C8orf89: variants seen among roughly 807,000 people sequenced by gnomAD.
C8orf89 encodes putative uncharacterized protein C8orf89.
In C8orf89, 14 loss-of-function variants were observed where a neutral mutation model predicts 15.8. That is an observed-to-expected ratio of 0.89 (90% CI 0.59 to 1.39). The LOEUF is 1.39. C8orf89 is among the 40% of genes most tolerant of loss of function. The probability of loss-of-function intolerance (pLI) is 0.00; values close to 1 mark genes in which losing one functional copy is unlikely to be tolerated. For missense variants in C8orf89, 181 were observed against 184.5 expected (o/e 0.98, Z 0.11); for synonymous variants, 55 against 62.2 (o/e 0.88, Z 0.54).
At chr8:73,254,090 A>G (rs1469215252) in intron 2 of C8orf89, among the ~76,000 whole-genome samples, 1 of 152,122 alleles carries the variant, frequency 6.6e-6, no homozygotes, top group Non-Finnish European at 1.5e-5. Flanking sequence ...AGCTCTTACT[A>G]TTTTGAGATA....
intron 3 of C8orf89, 60 bp from the exon 4 acceptor site, chr8:73,241,665 C>T: frequency 7.9e-7 from 1 of 1,263,296 alleles, no homozygotes; most frequent in Non-Finnish European, 1.1e-6. Flanking sequence ...GAATAATATT[C>T]TATTAAATAT....
chr8:73,258,628 ATTTT>A (rs10691611), intron 1 of C8orf89, among the ~76,000 whole-genome samples: 1 of 137,302 alleles, frequency 7.3e-6, no homozygotes. Flanking sequence ...TTTGGTTAGA[ATTTT>A]TTTTTTTTTT....
rs1385597772 is a variant in C8orf89, at chr8:73,249,721, G to A, written c.337+547C>T. 3.9e-5 allele frequency among the ~76,000 whole-genome samples: 6 copies of A among 152,286 alleles called. No individual in the cohort carries two copies. The East Asian group carries it at 9.6e-4, about 24-fold the overall frequency. On this transcript the variant is annotated intron_variant, in intron 3 of 3. Coordinates refer to ENST00000624510, the MANE Select transcript of C8orf89 (RefSeq NM_001243237.3). ...CCTTTTAGTCACCATGAACTTAGGA[G>A]TAACTTGACTTAAAAGTAGTTTTTT... is the stretch of plus-strand genomic sequence containing the variant.
chr8:73,284,018 G>A, the C8orf89 span, among the ~76,000 whole-genome samples: 2 of 150,984 alleles, frequency 1.3e-5, no homozygotes, highest in Admixed American at 6.6e-5. Context: ...CTCCAGCCTG[G>A]GCAACAAGAA....
At chr8:73,269,463 A>G in the C8orf89 span, among the ~76,000 whole-genome samples, 1 of 152,340 alleles carries the variant, frequency 6.6e-6, no homozygotes, top group African/African-American at 2.4e-5. Flanking sequence ...CAAACCTAAT[A>G]CAATAGAAAA....
At chr8:73,285,342 C>T in the C8orf89 span, among the ~76,000 whole-genome samples, 1 of 152,298 alleles carries the variant, frequency 6.6e-6, no homozygotes, top group East Asian at 1.9e-4. Context: ...GGACCCGCTT[C>T]CCTCAATCTC....
rs1563533039 is a variant in C8orf89, at chr8:73,256,959, T to C, written c.281+14A>G. 4 of 1,523,632 alleles carry C rather than the reference T, an allele frequency of 2.6e-6. No individual in the cohort carries two copies. The highest frequency in any genetic ancestry group is 4.1e-5 in the Admixed American group (2 of 49,184). The allele number at this position is 1,523,632 out of a possible 1,614,324, so 94.4% of individuals were successfully genotyped here. A position where few individuals can be genotyped will look rare whatever the true frequency, so the allele number is the denominator to read the frequency against. On this transcript the variant is annotated intron_variant, in intron 2 of 3. Coordinates refer to ENST00000624510, the MANE Select transcript of C8orf89 (RefSeq NM_001243237.3). The stretch of plus-strand genomic sequence containing the variant: ...ACACATTCAACAAATGAGAATTAAA[T>C]AGCAATGATCTACCTGACTGCAGAC...
chr8:73,274,857 C>A, the C8orf89 span, among the ~76,000 whole-genome samples: 1 of 152,118 alleles, frequency 6.6e-6, no homozygotes, highest in Non-Finnish European at 1.5e-5. Flanking sequence ...TCACATGAGA[C>A]TGAGATTGAG....
intron 2 of C8orf89, among the ~76,000 whole-genome samples, chr8:73,253,025 C>T (rs1813282465): frequency 6.6e-6 from 1 of 152,194 alleles, no homozygotes; most frequent in Non-Finnish European, 1.5e-5. Context: ...CGCCTGTAGT[C>T]CCAGCTACTC....
chr8:73,258,694 T>A (rs1174945666), intron 1 of C8orf89, among the ~76,000 whole-genome samples: 1 of 150,676 alleles, frequency 6.6e-6, no homozygotes. Context: ...AGTGGCATGG[T>A]CATGGCTCAC....
At chr8:73,274,863 T>C in the C8orf89 span, among the ~76,000 whole-genome samples, 2 of 152,236 alleles carry the variant, frequency 1.3e-5, no homozygotes, top group African/African-American at 2.4e-5. Context: ...GAGACTGAGA[T>C]TGAGTGTACA....
At chr8:73,285,539 A>C in the C8orf89 span, among the ~76,000 whole-genome samples, 1 of 152,166 alleles carries the variant, frequency 6.6e-6, no homozygotes, top group South Asian at 2.1e-4. Flanking sequence ...TCCAGCCCTG[A>C]CCTGGCAAGT....
chr8:73,279,667 G>A, the C8orf89 span, among the ~76,000 whole-genome samples: 4 of 152,128 alleles, frequency 2.6e-5, no homozygotes, highest in Non-Finnish European at 5.9e-5. Flanking sequence ...CAAGAGGTGA[G>A]ATGTTTCTTT....
intron 3 of C8orf89, among the ~76,000 whole-genome samples, chr8:73,242,507 T>C (rs373803737): frequency 1.3e-5 from 2 of 152,134 alleles, no homozygotes; most frequent in South Asian, 2.1e-4. Context: ...AAGACCTGAA[T>C]AGACATTTCT....
intron 3 of C8orf89, among the ~76,000 whole-genome samples, chr8:73,244,180 G>A (rs1276075633): frequency 4.6e-5 from 7 of 152,154 alleles, no homozygotes; most frequent in South Asian, 2.1e-4. Context: ...CTGAAATAGC[G>A]TTAATCAAAC....
intron 3 of C8orf89, among the ~76,000 whole-genome samples, chr8:73,246,722 C>T (rs1257526633): frequency 6.6e-6 from 1 of 152,076 alleles, no homozygotes; most frequent in Non-Finnish European, 1.5e-5. Flanking sequence ...TTATTTTACA[C>T]TGTCTGTTGA....
the C8orf89 span, among the ~76,000 whole-genome samples, chr8:73,268,672 A>T: frequency 6.6e-6 from 1 of 152,212 alleles, no homozygotes; most frequent in Non-Finnish European, 1.5e-5. Flanking sequence ...AAGAACTCTC[A>T]TCTTTCCAGA....
At chr8:73,273,560 C>T in the C8orf89 span, among the ~76,000 whole-genome samples, 1 of 152,144 alleles carries the variant, frequency 6.6e-6, no homozygotes, top group Non-Finnish European at 1.5e-5. Context: ...CTGCAGGAAC[C>T]CCTCTGCATG....
rs142204731 is a variant in C8orf89, at chr8:73,257,357, A to G, written c.128-231T>C. On this transcript the variant is annotated intron_variant, in intron 1 of 3. Coordinates refer to ENST00000624510, the MANE Select transcript of C8orf89 (RefSeq NM_001243237.3). Reference sequence around the variant, plus strand: ...TAAGAGTGGAATAAGGAAAAAGAACAGCTTCATGGATCTTCCACAGTCGTC... The same window carrying G: ...TAAGAGTGGAATAAGGAAAAAGAACGGCTTCATGGATCTTCCACAGTCGTC... Among the ~76,000 whole-genome samples, 529 of 152,338 alleles carry G rather than the reference A, an allele frequency of 3.5e-3. 5 individuals carry two copies. Among genetic ancestry groups the G allele is most frequent in the African/African-American group, 0.012 (510 of 41,576 alleles).
Sources: gnomAD v4.1 joint callset for allele counts (sites outside exome capture counted in the v4.1 genomes callset) on GRCh38, gnomAD v4.1.1 for gene constraint, MANE v1.5 for transcripts, NCBI Gene and HGNC (gene_info 2026-07-23, HGNC 2026-07-21) for gene names.